AVL9: variants seen among roughly 807,000 people sequenced by gnomAD.
The protein encoded by AVL9 is AVL9 cell migration associated.
A neutral mutation model predicts 79.2 loss-of-function variants in AVL9; 49 were observed. The ratio of observed to expected loss-of-function variants is 0.62; its 90% CI spans 0.49 to 0.79. The LOEUF (loss-of-function observed/expected upper bound fraction) is 0.79. AVL9 is among the 30% of genes least tolerant of loss of function. The pLI is 0.00. For synonymous variants in AVL9, 299 were observed against 280.6 expected, an observed-to-expected ratio of 1.07 and a Z score of -0.65; for missense variants, 682 against 776.8, an observed-to-expected ratio of 0.88 and a Z score of 1.45.
intron 10 of AVL9, among the ~76,000 whole-genome samples, chr7:32,567,734 G>A (rs1790647356): frequency 6.6e-6 from 1 of 150,458 alleles, no homozygotes; most frequent in Non-Finnish European, 1.5e-5. Context: ...TTATTTTTGA[G>A]ACAGAGTTTT....
chr7:32,544,308 T>C (rs570999111), intron 2 of AVL9, among the ~76,000 whole-genome samples: 2 of 152,324 alleles, frequency 1.3e-5, no homozygotes, highest in South Asian at 4.1e-4. Context: ...CTATCTAACA[T>C]CCAATCTGTG....
chr7:32,552,206 T>C, intron 5 of AVL9, 23 bp from the exon 6 acceptor site: 9 of 1,444,160 alleles, frequency 6.2e-6, no homozygotes, highest in Non-Finnish European at 8.7e-6. Flanking sequence ...TAAAATGTGC[T>C]AAATTCAATC....
chr7:32,556,273 G>C lies in AVL9; in HGVS notation c.609+1677G>C, dbSNP rs183666178. 1.6e-3 allele frequency among the ~76,000 whole-genome samples: 237 copies of C among 152,256 alleles called. 1 individual carries two copies. Among genetic ancestry groups the C allele is most frequent in the African/African-American group, 5.5e-3 (227 of 41,554 alleles). On this transcript the variant is annotated intron_variant, in intron 8 of 15. Coordinates refer to ENST00000318709, the MANE Select transcript of AVL9 (RefSeq NM_015060.3). The stretch of plus-strand genomic sequence containing the variant: ...CTCACGCCTGTAATCTCAGCACTTT[G>C]GGAGGCTAAGGTGGGTGATCACTTG...
At chr7:32,527,884 A>G (rs1032045015) in intron 1 of AVL9, among the ~76,000 whole-genome samples, 1 of 152,058 alleles carries the variant, frequency 6.6e-6, no homozygotes, top group Non-Finnish European at 1.5e-5. Context: ...GGGTACCGTA[A>G]AATTTAACCT....
intron 1 of AVL9, among the ~76,000 whole-genome samples, chr7:32,523,235 A>G (rs1788246506): frequency 6.6e-6 from 1 of 150,502 alleles, no homozygotes; most frequent in South Asian, 2.1e-4. Context: ...GGGGATGGTT[A>G]TTCACCATTT....
In AVL9 at chr7:32,518,799, G is replaced by A. The variant is rs7805481; in HGVS notation, c.93+22997G>A. ...TTATAAAAATGTTATGTGATTAATT[G>A]ACTATAATGAAATTATAATAGTTTT... On this transcript the variant is annotated intron_variant, in intron 1 of 15. Transcript: ENST00000318709. Among the ~76,000 whole-genome samples, 433 of 152,204 alleles carry A rather than the reference G, an allele frequency of 2.8e-3. 3 individuals are homozygous for A. The highest frequency in any genetic ancestry group is 0.014 in the Middle Eastern group (4 of 294).
intron 1 of AVL9, among the ~76,000 whole-genome samples, chr7:32,506,772 G>C (rs1157386785): frequency 6.6e-6 from 1 of 151,536 alleles, no homozygotes; most frequent in Middle Eastern, 3.2e-3. Context: ...AAGTGAAACT[G>C]CAGGTCAGGG....
intron 10 of AVL9, among the ~76,000 whole-genome samples, chr7:32,567,144 C>G (rs112575427): frequency 0.012 from 1,764 of 152,208 alleles, 34 homozygotes; most frequent in African/African-American, 0.04. Context: ...GCTTTTCACC[C>G]AGGCTGGAGA....
intron 9 of AVL9, 21 bp downstream of exon 9, chr7:32,558,649 A>C: frequency 6.4e-7 from 1 of 1,572,080 alleles, no homozygotes; most frequent in Non-Finnish European, 8.7e-7. Context: ...AGCAGTATCT[A>C]CTCTTTCTTT....
At chr7:32,500,321 G>T (rs553171523) in intron 1 of AVL9, among the ~76,000 whole-genome samples, 1 of 152,142 alleles carries the variant, frequency 6.6e-6, no homozygotes, top group Admixed American at 6.5e-5. Context: ...GTTTTGATTT[G>T]CATTTCTCTA....
chr7:32,580,721 G>GTA, intron 14 of AVL9, 81 bp from the exon 15 acceptor site: 2 of 857,006 alleles, frequency 2.3e-6, no homozygotes, highest in African/African-American at 1.7e-5. Context: ...TATTGTGTGT[G>GTA]TGTCTATATG....
chr7:32,543,101 T>G, intron 1 of AVL9, 40 bp from the exon 2 acceptor site: 1 of 1,610,144 alleles, frequency 6.2e-7, no homozygotes, highest in Non-Finnish European at 8.5e-7. Context: ...ATGCTTCCTT[T>G]GGTCAACCAC....
intron 1 of AVL9, among the ~76,000 whole-genome samples, chr7:32,496,543 CTATG>C (rs1786822459): frequency 6.6e-6 from 1 of 152,150 alleles, no homozygotes; most frequent in Admixed American, 6.5e-5. Flanking sequence ...TATTTGCAAT[CTATG>C]TATTGAAGGC....
At chr7:32,513,774 C>T (rs1440468440) in intron 1 of AVL9, among the ~76,000 whole-genome samples, 2 of 152,124 alleles carry the variant, frequency 1.3e-5, no homozygotes, top group East Asian at 1.9e-4. Context: ...CTCTGAGTTC[C>T]CTCAGTATTT....
chr7:32,563,743 C>T (rs1385212595), intron 10 of AVL9, among the ~76,000 whole-genome samples: 2 of 151,982 alleles, frequency 1.3e-5, no homozygotes, highest in African/African-American at 2.4e-5. Flanking sequence ...CTATATTATT[C>T]GATAAATTAT....
intron 3 of AVL9, among the ~76,000 whole-genome samples, chr7:32,546,083 TAAATATCTGTACCTAGC>T (rs1789488900): frequency 2.8e-5 from 4 of 144,746 alleles, no homozygotes; most frequent in South Asian, 2.1e-4. Flanking sequence ...TTTTTTTTTT[TAAATATCTGTACCTAGC>T]TTTTCCTCCT....
intron 1 of AVL9, among the ~76,000 whole-genome samples, chr7:32,512,249 G>A (rs1333085924): frequency 6.6e-6 from 1 of 152,198 alleles, no homozygotes; most frequent in Non-Finnish European, 1.5e-5. Flanking sequence ...GCTAACAGAG[G>A]CAGGGGCTTG....
rs1243768163 is a variant in AVL9, at chr7:32,579,442, TATA to T, written c.1689-773_1689-771del. Among the ~76,000 whole-genome samples, 36 of 8,592 alleles carry T rather than the reference TATA, an allele frequency of 4.2e-3. 7 individuals carry two copies. Among genetic ancestry groups the T allele is most frequent in the African/African-American group, 0.019 (34 of 1,758 alleles). The allele number at this position is 8,592 out of a possible 152,430, so 5.6% of individuals were successfully genotyped here. A position where few individuals can be genotyped will look rare whatever the true frequency, so the allele number is the denominator to read the frequency against. ...TTATATATATAATATATATATTATA[TATA>T]ATATATTATATATTATATATAATAT... On this transcript the variant is annotated intron_variant, in intron 13 of 15. Coordinates refer to ENST00000318709, the MANE Select transcript of AVL9 (RefSeq NM_015060.3).
chr7:32,530,433 A>G (rs1274538786), intron 1 of AVL9, among the ~76,000 whole-genome samples: 3 of 152,206 alleles, frequency 2.0e-5, no homozygotes, highest in Admixed American at 6.5e-5. Flanking sequence ...GGCATTTCTG[A>G]TTTTCTAAGT....
Sources: allele counts gnomAD v4.1 joint callset (sites outside exome capture counted in the v4.1 genomes callset), GRCh38; gene constraint gnomAD v4.1.1; transcripts MANE v1.5; gene names NCBI Gene and HGNC (gene_info 2026-07-23, HGNC 2026-07-21).